PCNX3: variants seen among roughly 807,000 people sequenced by gnomAD.
The protein encoded by PCNX3 is pecanex-like protein 3.
Under a neutral mutation model 207.2 loss-of-function variants are expected in PCNX3, and 58 were observed. The observed-to-expected ratio is 0.28, with a 90% CI of 0.23 to 0.35. PCNX3 has a LOEUF of 0.35. Ranked by LOEUF, PCNX3 falls within the 10% of genes least tolerant of loss-of-function variation. PCNX3 has a pLI of 1.00. For missense variants in PCNX3, 2,410 were observed against 2,774.4 expected (o/e 0.87, Z 2.95); for synonymous variants, 1,337 against 1,183.5 (o/e 1.13, Z -2.66).
At chr11:65,624,094 C>T in intron 13 of PCNX3, 101 bp from the exon 14 acceptor site, 1 of 1,566,308 alleles carries the variant, frequency 6.4e-7, no homozygotes. Flanking sequence ...CCAGGCTCTC[C>T]AGCTTGGACC....
chr11:65,622,458 C>A, intron 11 of PCNX3, 92 bp downstream of exon 11: 1 of 1,414,404 alleles, frequency 7.1e-7, no homozygotes, highest in African/African-American at 1.4e-5. Context: ...GTCATGGCAG[C>A]AGAGAGCCTG....
In PCNX3 at chr11:65,629,701, C is replaced by T. The variant is rs753567070; in HGVS notation, c.4182C>T (p.Leu1394=). 121 of 1,555,398 alleles carry T rather than the reference C, an allele frequency of 7.8e-5. No homozygotes were observed. The highest frequency in any genetic ancestry group is 1.2e-4 in the East Asian group (5 of 41,304). The part of the protein sequence containing the change: ...LVHLIEVGNG[L]VTFQLRGLEF... ...ACCTCATCGAGGTTGGCAATGGCCT[C>T]GTCACCTTCCAGCTGCGTGGCCTTG... The change falls in exon 26 of 35, where the codon CTC becomes CTT. Residue 1394 remains leucine, a synonymous_variant. Transcript: ENST00000355703.
Position 65,625,483 on chromosome 11 carries a change from C to G in PCNX3, c.3108C>G (p.Pro1036=). 4 of 1,604,740 alleles carry G rather than the reference C, an allele frequency of 2.5e-6. No homozygotes were observed. The highest frequency in any genetic ancestry group is 3.4e-6 in the Non-Finnish European group (4 of 1,178,716). ...CAGCCCGGGCCGAGCCCCCGGACCC[C>G]TTGCCGGACAAGATGCGCCAGTCGG... is the stretch of plus-strand genomic sequence containing the variant. The part of the protein sequence containing the change: ...LETARAEPPD[P]LPDKMRQSVR... Residue 1036 remains proline (P), a synonymous_variant, in exon 18 of 35, where the codon CCC becomes CCG. Transcript: ENST00000355703. This position sits in a 1 kb window ranked among gnomAD's most constrained non-coding sequence, Gnocchi z 5.6.
chr11:65,630,263 G>A, intron 26 of PCNX3, 88 bp from the exon 27 acceptor site: 1 of 1,494,216 alleles, frequency 6.7e-7, no homozygotes, highest in Non-Finnish European at 9.0e-7. Flanking sequence ...ATGGCAGCAG[G>A]CCTCTGATGC....
Position 65,636,452 on chromosome 11 carries a change from C to A in PCNX3, c.5655C>A (p.Gly1885=). ...GGGGGCCGCGGTCCTCCCTGAGTGGCTCTGGTGATGGGCGGCCCCCACCTC... is the reference window on the plus strand; with the variant it reads ...GGGGGCCGCGGTCCTCCCTGAGTGGATCTGGTGATGGGCGGCCCCCACCTC... The part of the protein sequence containing the change: ...PGWGPRSSLS[G]SGDGRPPPLL... Residue 1885 remains glycine (G), a synonymous_variant, in exon 34 of 35, where the codon GGC becomes GGA. Transcript: ENST00000355703. The A allele has an allele frequency of 6.4e-7, 1 of 1,558,478 alleles. No individual in the cohort carries two copies.
intron 11 of PCNX3, among the ~76,000 whole-genome samples, 160 bp from the exon 12 acceptor site, chr11:65,623,331 C>T (rs1429890946): frequency 1.3e-5 from 2 of 152,202 alleles, no homozygotes; most frequent in Admixed American, 1.3e-4. Context: ...GCTGCCGGGC[C>T]GCGTCGTCGC....
chr11:65,620,880 G>T lies in PCNX3; in HGVS notation c.2149G>T (p.Ala717Ser), dbSNP rs763189761. Residue 717 changes from alanine (A) to serine (S), a missense_variant, in exon 10 of 35, where the codon GCT becomes TCT. Coordinates refer to ENST00000355703, the MANE Select transcript of PCNX3 (RefSeq NM_032223.4). The stretch of plus-strand genomic sequence containing the variant: ...CTTCCACTCGGCTGATGTCCCTGAG[G>T]CTACAGGCGGCCTGAACCTGCTGCA... ...SSFHSADVPE[A>S]TGGLNLLQPR... 6.3e-7 allele frequency: 1 copy of T among 1,580,056 alleles called. No homozygotes were observed. The highest frequency in any genetic ancestry group is 1.2e-5 in the South Asian group (1 of 86,188).
intron 33 of PCNX3, 42 bp downstream of exon 33, chr11:65,636,349 C>T (rs1205077040): frequency 6.2e-7 from 1 of 1,602,310 alleles, no homozygotes; most frequent in Admixed American, 1.7e-5. Flanking sequence ...GTGAGGAGTG[C>T]AGCCCAGCTG....
At chr11:65,629,883 T>C (rs1221245230) in intron 26 of PCNX3, 148 bp downstream of exon 26, 13 of 875,578 alleles carry the variant, frequency 1.5e-5, no homozygotes, top group Non-Finnish European at 1.9e-5. Context: ...TCCCTGGGCC[T>C]GCGTTTCCCA....
At chr11:65,621,262 G>A (rs1330899091) in intron 10 of PCNX3, among the ~76,000 whole-genome samples, 5 of 152,184 alleles carry the variant, frequency 3.3e-5, no homozygotes, top group Non-Finnish European at 5.9e-5. Flanking sequence ...TGATACTTGC[G>A]GAAGTGGCAG....
rs1355185100 is a variant in PCNX3 at position 65,627,451 on chromosome 11, T to C, written c.3571T>C (p.Ser1191Pro). 12 of 1,613,036 alleles carry C rather than the reference T, an allele frequency of 7.4e-6. No homozygotes were observed. Among genetic ancestry groups the C allele is most frequent in the Non-Finnish European group, 1.0e-5 (12 of 1,179,876 alleles). The change falls in exon 22 of 35, where the codon TCA becomes CCA. Residue 1191 changes from serine to proline, a missense_variant. Coordinates refer to ENST00000355703, the MANE Select transcript of PCNX3 (RefSeq NM_032223.4). ...MTVAGLKLLR[S>P]AFCCPPQQYL... ...CGTGGCTGGGCTGAAGCTGCTGCGC[T>C]CAGCCTTCTGCTGCCCCCCACAGCA...
intron 11 of PCNX3, 30 bp from the exon 12 acceptor site, chr11:65,623,461 G>T (rs769832319): frequency 6.4e-7 from 1 of 1,557,082 alleles, no homozygotes; most frequent in East Asian, 2.3e-5. Flanking sequence ...GAGGCAAGAC[G>T]GGCACGCCCT....
At chr11:65,633,429 G>A (rs1358176065) in intron 27 of PCNX3, among the ~76,000 whole-genome samples, 1 of 152,200 alleles carries the variant, frequency 6.6e-6, no homozygotes, top group Admixed American at 6.5e-5. Context: ...TCTGAGGCAG[G>A]CCCACTACTT....
At position 65,623,513 on chromosome 11, in the gene PCNX3, A is replaced by G. The variant is rs747348851; in HGVS notation, c.2380A>G (p.Ile794Val). The change falls in exon 12 of 35, where the codon ATC becomes GTC. Residue 794 changes from isoleucine to valine, a missense_variant. Transcript: ENST00000355703. ...CAGGACGCGGGGAGTGCTGGAGAAC[A>G]TCTTCGGCGTGGGCCTGAGCAGCCT... ...LDRTRGVLEN[I>V]FGVGLSSLVA... The G allele has an allele frequency of 3.1e-6, 5 of 1,611,892 alleles. No individual in the cohort carries two copies. Among genetic ancestry groups the G allele is most frequent in the Admixed American group, 1.7e-5 (1 of 59,718 alleles).
At position 65,618,459 on chromosome 11, in the gene PCNX3, T is replaced by C. The variant is rs1361480466; in HGVS notation, c.1097T>C (p.Ile366Thr). 3 of 1,610,082 alleles carry C rather than the reference T, an allele frequency of 1.9e-6. No individual in the cohort carries two copies. The highest frequency in any genetic ancestry group is 2.5e-6 in the Non-Finnish European group (3 of 1,178,836). Residue 366 changes from isoleucine to threonine, a missense_variant, in exon 6 of 35, where the codon ATT (isoleucine) becomes ACT (threonine). Around this residue, in one of 8 missense-constraint regions of PCNX3, gnomAD observed 1,104 missense variants for 970.3 expected, o/e 1.14. Transcript: ENST00000355703. ...ACGCTGCGTTCCTTTGACACGGTCA[T>C]TGGAGCAGGGACGCCACCGGGCCTG... ...DDTLRSFDTV[I>T]GAGTPPGLAE... is the part of the protein sequence containing the mutation.
At position 65,616,282 on chromosome 11, in the gene PCNX3, AG is replaced by A. The variant is rs766164452; in HGVS notation, c.-23del. The A allele has an allele frequency of 1.6e-5, 25 of 1,527,226 alleles. No homozygotes were observed. Among genetic ancestry groups the A allele is most frequent in the East Asian group, 1.2e-4 (5 of 40,114 alleles). 94.6% of individuals were successfully genotyped at this position (1,527,226 alleles called of 1,614,324 possible). The stretch of plus-strand genomic sequence containing the variant: ...GGGCCGCCCCCATGAGGGTCCCGGG[AG>A]GGGGGGCGCGGGCAGCAGCGGCGGG... On this transcript the variant is annotated 5_prime_UTR_variant, in exon 1 of 35. Coordinates refer to ENST00000355703, the MANE Select transcript of PCNX3 (RefSeq NM_032223.4).
In PCNX3 at chr11:65,620,781, A is replaced by T. The variant is rs553155124; in HGVS notation, c.2100-50A>T. On this transcript the variant is annotated intron_variant, in intron 9 of 34. Transcript: ENST00000355703. Reference sequence around the variant, plus strand: ...CTTGGCCTCGGCCTCGACCCCACCCAGCCCCAGGGCTCGCCCGTGGGGGGA... The same window carrying T: ...CTTGGCCTCGGCCTCGACCCCACCCTGCCCCAGGGCTCGCCCGTGGGGGGA... 18 of 1,572,922 alleles carry T rather than the reference A, an allele frequency of 1.1e-5. No individual in the cohort carries two copies. In the East Asian group the frequency reaches 4.0e-4, roughly 35 times the overall value.
chr11:65,628,627 G>A lies in PCNX3; in HGVS notation c.3735G>A (p.Val1245=), dbSNP rs1855496576. The change falls in exon 23 of 35, where the codon GTG becomes GTA. Residue 1245 remains valine, a synonymous_variant. Transcript: ENST00000355703. ...ACTTGCTGTACAAGCTGCGTTTCGTGCTGACCTACATCGCGCCCTGGCAGA... is the reference window on the plus strand; with the variant it reads ...ACTTGCTGTACAAGCTGCGTTTCGTACTGACCTACATCGCGCCCTGGCAGA... ...LWDLLYKLRF[V]LTYIAPWQIT... The A allele has an allele frequency of 6.2e-7, 1 of 1,613,500 alleles. No homozygotes were observed. The highest frequency in any genetic ancestry group is 1.3e-5 in the African/African-American group (1 of 74,926).
At chr11:65,626,819 C>T (rs2135451441) in intron 20 of PCNX3, 85 bp from the exon 21 acceptor site, 6 of 1,541,100 alleles carry the variant, frequency 3.9e-6, no homozygotes, top group Non-Finnish European at 5.3e-6. Context: ...GTCAGGACCG[C>T]ACAGCCTGCC....
Sources: allele counts gnomAD v4.1 joint callset (sites outside exome capture counted in the v4.1 genomes callset), GRCh38; gene constraint gnomAD v4.1.1; regional missense constraint gnomAD v4.1.1; non-coding constraint Gnocchi (gnomAD v3.1); transcripts MANE v1.5; gene names NCBI Gene and HGNC (gene_info 2026-07-23, HGNC 2026-07-21).